Variants in PLPPR1 observed in about 807,000 individuals in gnomAD.
PLPPR1 encodes phospholipid phosphatase-related protein type 1.
In PLPPR1, 10 loss-of-function variants were observed where a neutral mutation model predicts 33.1. That is an observed-to-expected ratio of 0.30 (90% confidence interval 0.19 to 0.51). PLPPR1 has a LOEUF of 0.51. Among genes scored for constraint, PLPPR1 ranks in the 20% least tolerant of loss-of-function variants. PLPPR1 has a pLI of 0.97. For synonymous variants in PLPPR1, 151 were observed against 151.0 expected, an observed-to-expected ratio of 1.00 and a Z score of 0.00; for missense variants, 304 against 408.1, an observed-to-expected ratio of 0.74 and a Z score of 2.20.
chr9:101,106,968 C>T (rs1177569750), intron 1 of PLPPR1, among the ~76,000 whole-genome samples: 39 of 80,310 alleles, frequency 4.9e-4, no homozygotes, highest in African/African-American at 1.8e-4. Flanking sequence ...GCATTCTTCA[C>T]GTAGTTCTCG....
chr9:101,292,537 G>A (rs1828531319), intron 4 of PLPPR1, among the ~76,000 whole-genome samples: 1 of 150,344 alleles, frequency 6.7e-6, no homozygotes, highest in Non-Finnish European at 1.5e-5. Context: ...AGGGCAGCCA[G>A]AGAGAATGGT....
intron 5 of PLPPR1, among the ~76,000 whole-genome samples, chr9:101,312,486 A>T (rs1222834339): frequency 6.6e-6 from 1 of 152,222 alleles, no homozygotes; most frequent in South Asian, 2.1e-4. Flanking sequence ...TAAACTTGTC[A>T]CATAAAAACT....
intron 1 of PLPPR1, among the ~76,000 whole-genome samples, chr9:101,174,632 G>A (rs1443756642): frequency 6.6e-6 from 1 of 152,084 alleles, no homozygotes; most frequent in African/African-American, 2.4e-5. Context: ...TCCATTTTCT[G>A]TACCACAGAC....
rs540886060 is a variant in PLPPR1 at position 101,133,605 on chromosome 9, T to C, written c.-45-51845T>C. The stretch of plus-strand genomic sequence containing the variant: ...GATTAAATGATATGACATATACAGG[T>C]GCTTAGTGTATTGCCTGGCATCAAG... On this transcript the variant is annotated intron_variant, in intron 1 of 7. Transcript: ENST00000374874. 3.9e-5 allele frequency among the ~76,000 whole-genome samples: 6 copies of C among 152,342 alleles called. No individual in the cohort carries two copies. The South Asian group carries it at 1.2e-3, about 32-fold the overall frequency.
At chr9:101,271,672 G>T (rs1389665360) in intron 3 of PLPPR1, among the ~76,000 whole-genome samples, 1 of 152,160 alleles carries the variant, frequency 6.6e-6, no homozygotes, top group African/African-American at 2.4e-5. Flanking sequence ...TTTCATGGTG[G>T]CTCTACCTGG....
At chr9:101,241,603 C>T (rs868656505) in intron 2 of PLPPR1, among the ~76,000 whole-genome samples, 2 of 152,042 alleles carry the variant, frequency 1.3e-5, no homozygotes, top group Non-Finnish European at 2.9e-5. Context: ...AAGAATGTGG[C>T]GTTGGCTACC....
chr9:101,184,000 T>C (rs1174773264), intron 1 of PLPPR1, among the ~76,000 whole-genome samples: 4 of 151,736 alleles, frequency 2.6e-5, no homozygotes, highest in African/African-American at 7.2e-5. Context: ...ATATCATAAA[T>C]ACTAAGTAAA....
chr9:101,268,943 A>C (rs549214389), intron 2 of PLPPR1, among the ~76,000 whole-genome samples: 15 of 152,332 alleles, frequency 9.8e-5, no homozygotes, highest in Admixed American at 7.2e-4. Flanking sequence ...TCATCTATGA[A>C]ATAAAGGTGT....
At chr9:101,087,818 G>T (rs757826493) in intron 1 of PLPPR1, among the ~76,000 whole-genome samples, 4 of 152,102 alleles carry the variant, frequency 2.6e-5, no homozygotes, top group Non-Finnish European at 5.9e-5. Context: ...TGACTATTTG[G>T]TATTATTTTA....
At chr9:101,077,969 T>A (rs1008622530) in intron 1 of PLPPR1, among the ~76,000 whole-genome samples, 1 of 150,904 alleles carries the variant, frequency 6.6e-6, no homozygotes, top group Admixed American at 6.6e-5. Context: ...ATGTTTATGA[T>A]CATTCCTTTT....
intron 1 of PLPPR1, among the ~76,000 whole-genome samples, chr9:101,127,623 C>T (rs1439517682): frequency 6.6e-6 from 1 of 152,186 alleles, no homozygotes; most frequent in East Asian, 1.9e-4. Context: ...GCCAGCAAGT[C>T]TAGACACATT....
In PLPPR1 at chr9:101,203,359, G is replaced by C. The variant is rs111312724; in HGVS notation, c.63+17802G>C. Among the ~76,000 whole-genome samples, 135 of 152,148 alleles carry C rather than the reference G, an allele frequency of 8.9e-4. 1 individual carries two copies. Among genetic ancestry groups the C allele is most frequent in the Middle Eastern group, 6.8e-3 (2 of 294 alleles). ...TATAGGATTTAAGCAGAGACCTTAG[G>C]GGGGGAAAAAGACTTTATGGTCCTT... is the stretch of plus-strand genomic sequence containing the variant. On this transcript the variant is annotated intron_variant, in intron 2 of 7. Transcript: ENST00000374874.
intron 2 of PLPPR1, among the ~76,000 whole-genome samples, chr9:101,201,767 ACTTG>A (rs1826497795): frequency 6.6e-6 from 1 of 152,186 alleles, no homozygotes; most frequent in South Asian, 2.1e-4. Context: ...GTTTTATTCA[ACTTG>A]CTCTATTATG....
At chr9:101,032,038 AG>A (rs1406438842) in intron 1 of PLPPR1, among the ~76,000 whole-genome samples, 15 of 152,192 alleles carry the variant, frequency 9.9e-5, no homozygotes, top group African/African-American at 3.6e-4. Context: ...GTCTTGAACA[AG>A]GACAAGGAGG....
At chr9:101,282,393 A>T (rs1392447642) in intron 3 of PLPPR1, among the ~76,000 whole-genome samples, 4 of 152,186 alleles carry the variant, frequency 2.6e-5, no homozygotes, top group Non-Finnish European at 4.4e-5. Flanking sequence ...TCAACAAATT[A>T]GGTATAAAGA....
chr9:101,230,787 TAAAAA>T (rs1386111218), intron 2 of PLPPR1, among the ~76,000 whole-genome samples: 1 of 150,448 alleles, frequency 6.6e-6, no homozygotes. Flanking sequence ...AGTTTCAAAA[TAAAAA>T]AGAATTAAAA....
At chr9:101,186,573 T>G (rs987225132) in intron 2 of PLPPR1, among the ~76,000 whole-genome samples, 1 of 151,920 alleles carries the variant, frequency 6.6e-6, no homozygotes, top group African/African-American at 2.4e-5. Context: ...AAATGTACTT[T>G]CAGTACATCT....
intron 1 of PLPPR1, among the ~76,000 whole-genome samples, chr9:101,100,116 T>A (rs1205649752): frequency 6.6e-6 from 1 of 152,074 alleles, no homozygotes; most frequent in Non-Finnish European, 1.5e-5. Context: ...GCATTTTTTT[T>A]CTTACGTGCA....
chr9:101,082,977 C>A (rs1459202131), intron 1 of PLPPR1, among the ~76,000 whole-genome samples: 1 of 152,030 alleles, frequency 6.6e-6, no homozygotes, highest in African/African-American at 2.4e-5. Context: ...TTCAAAGATA[C>A]CGAATATCAG....
Sources: gnomAD v4.1 joint callset for allele counts (sites outside exome capture counted in the v4.1 genomes callset) on GRCh38, gnomAD v4.1.1 for gene constraint, MANE v1.5 for transcripts, NCBI Gene and HGNC (gene_info 2026-07-23, HGNC 2026-07-21) for gene names.